Variants in ROBO2 observed in about 807,000 individuals in gnomAD.
ROBO2 encodes the protein roundabout guidance receptor 2.
In ROBO2, 53 loss-of-function variants were observed where a neutral mutation model predicts 160.8. That is an observed-to-expected ratio of 0.33 (90% CI 0.26 to 0.41). ROBO2 has a LOEUF of 0.41. Among genes scored for constraint, ROBO2 ranks in the 10% least tolerant of loss-of-function variants. The pLI, the probability that ROBO2 is intolerant of heterozygous loss-of-function variation, is 1.00. For synonymous variants in ROBO2, 664 were observed against 611.7 expected (o/e 1.09, Z -1.26); for missense variants, 1,577 against 1,722.4 (o/e 0.92, Z 1.49).
intron 2 of ROBO2, among the ~76,000 whole-genome samples, chr3:76,429,702 G>A (rs962772358): frequency 2.6e-5 from 4 of 152,120 alleles, no homozygotes; most frequent in Admixed American, 6.5e-5. Flanking sequence ...TAAACTTAGA[G>A]GCACAAGGTT....
chr3:77,490,024 C>CT (rs2085873384), intron 4 of ROBO2, among the ~76,000 whole-genome samples: 1 of 151,406 alleles, frequency 6.6e-6, no homozygotes, highest in Admixed American at 6.6e-5. Context: ...CTCATATTTC[C>CT]TTTTTCTTAC....
chr3:77,070,595 C>T (rs1286134155), intron 1 of ROBO2, among the ~76,000 whole-genome samples: 2 of 152,064 alleles, frequency 1.3e-5, no homozygotes, highest in Non-Finnish European at 2.9e-5. Flanking sequence ...ACACACTATT[C>T]AACCCACTAT....
intron 2 of ROBO2, among the ~76,000 whole-genome samples, chr3:76,408,197 C>T (rs1305830822): frequency 2.0e-5 from 3 of 152,084 alleles, no homozygotes; most frequent in Non-Finnish European, 4.4e-5. Context: ...TTGCTTAATT[C>T]AGACATTGAT....
At position 77,439,860 on chromosome 3, in the gene ROBO2, G is replaced by T. The variant is rs1320358389; in HGVS notation, c.389-37554G>T. ...TCTAACGTGTTTTAGCTCTCTTCCA[G>T]ACACCTCATACATATCATACCTCAT... On this transcript the variant is annotated intron_variant, in intron 2 of 25. Coordinates refer to ENST00000461745, the Ensembl canonical transcript of ROBO2. Among the ~76,000 whole-genome samples the T allele has an allele frequency of 3.3e-5, 5 of 151,968 alleles. No individual in the cohort carries two copies. In the South Asian group the frequency reaches 1.0e-3, roughly 32 times the overall value.
At chr3:76,222,573 AC>A (rs1559657810) in intron 2 of ROBO2, among the ~76,000 whole-genome samples, 1 of 150,190 alleles carries the variant, frequency 6.7e-6, no homozygotes, top group African/African-American at 2.4e-5. Context: ...ACTGTCTGTG[AC>A]CAATTATTAC....
intron 7 of ROBO2, among the ~76,000 whole-genome samples, chr3:77,548,074 G>A (rs1185859474): frequency 7.2e-5 from 10 of 138,878 alleles, no homozygotes; most frequent in Admixed American, 6.5e-4. Context: ...CACACATAAC[G>A]CACATACACA....
At chr3:76,895,335 A>T (rs980563392) in intron 2 of ROBO2, among the ~76,000 whole-genome samples, 35 of 152,250 alleles carry the variant, frequency 2.3e-4, no homozygotes, top group African/African-American at 7.7e-4. Flanking sequence ...ACTGTGCCCA[A>T]ATCATAATAA....
chr3:76,791,480 C>CTT (rs1367907656), intron 2 of ROBO2, among the ~76,000 whole-genome samples: 7 of 151,520 alleles, frequency 4.6e-5, no homozygotes, highest in Non-Finnish European at 8.9e-5. Context: ...CTCTCTCTCT[C>CTT]TCTGTGTTTT....
At chr3:76,002,699 T>G (rs2107572202) in intron 2 of ROBO2, among the ~76,000 whole-genome samples, 1 of 152,266 alleles carries the variant, frequency 6.6e-6, no homozygotes, top group South Asian at 2.1e-4. Context: ...CAGTATGTCT[T>G]TATGAGCAGC....
chr3:76,725,782 T>A (rs926592262), intron 2 of ROBO2, among the ~76,000 whole-genome samples: 3 of 152,160 alleles, frequency 2.0e-5, no homozygotes, highest in Non-Finnish European at 2.9e-5. Context: ...GGCACTACTC[T>A]GAAGGTAGCA....
chr3:76,689,427 T>A (rs1233788324), intron 2 of ROBO2, among the ~76,000 whole-genome samples: 1 of 152,100 alleles, frequency 6.6e-6, no homozygotes, highest in Non-Finnish European at 1.5e-5. Flanking sequence ...ACTTTATTAA[T>A]TCATTTGTAT....
intron 2 of ROBO2, among the ~76,000 whole-genome samples, chr3:77,322,775 T>A (rs1480364078): frequency 7.3e-6 from 1 of 137,222 alleles, no homozygotes; most frequent in African/African-American, 2.7e-5. Flanking sequence ...ATATTATACA[T>A]ATGTATTATA....
At chr3:77,403,096 G>A (rs1161968534) in intron 2 of ROBO2, among the ~76,000 whole-genome samples, 1 of 152,088 alleles carries the variant, frequency 6.6e-6, no homozygotes, top group Non-Finnish European at 1.5e-5. Flanking sequence ...TAATTAATTA[G>A]TTAATTATAA....
At chr3:77,440,643 T>G (rs2079819643) in intron 2 of ROBO2, among the ~76,000 whole-genome samples, 1 of 152,224 alleles carries the variant, frequency 6.6e-6, no homozygotes, top group South Asian at 2.1e-4. Context: ...TAGGTTTTCA[T>G]GTTCTTTTTG....
intron 2 of ROBO2, among the ~76,000 whole-genome samples, chr3:77,220,730 C>T (rs2085671378): frequency 6.6e-6 from 1 of 152,080 alleles, no homozygotes; most frequent in African/African-American, 2.4e-5. Flanking sequence ...TAACTAACTT[C>T]ATCTGACTCA....
intron 2 of ROBO2, among the ~76,000 whole-genome samples, chr3:77,386,304 A>G (rs1328963651): frequency 2.0e-5 from 3 of 152,184 alleles, no homozygotes; most frequent in Admixed American, 6.5e-5. Context: ...TCCAATTTAC[A>G]GTATCTTCAG....
intron 2 of ROBO2, among the ~76,000 whole-genome samples, chr3:77,105,606 C>T (rs2072685919): frequency 6.6e-6 from 1 of 152,186 alleles, no homozygotes; most frequent in South Asian, 2.1e-4. Context: ...GAAATTGCTA[C>T]ACCTGGGGAA....
chr3:76,372,103 A>T (rs2076132873), intron 2 of ROBO2, among the ~76,000 whole-genome samples: 1 of 151,830 alleles, frequency 6.6e-6, no homozygotes, highest in South Asian at 2.1e-4. Flanking sequence ...AAAATACATG[A>T]TGGGTTTTTT....
At chr3:76,688,974 G>T (rs1438138988) in intron 2 of ROBO2, among the ~76,000 whole-genome samples, 1 of 151,654 alleles carries the variant, frequency 6.6e-6, no homozygotes, top group Non-Finnish European at 1.5e-5. Context: ...TGCTTACCTT[G>T]GTTTTAAGTT....
Sources: allele counts gnomAD v4.1 joint callset (sites outside exome capture counted in the v4.1 genomes callset), GRCh38; gene constraint gnomAD v4.1.1; transcripts MANE v1.5; gene names NCBI Gene and HGNC (gene_info 2026-07-23, HGNC 2026-07-21).